Variants in STXBP6 observed in about 807,000 individuals in gnomAD.
The protein encoded by STXBP6 is syntaxin binding protein 6.
Under a neutral mutation model 26.9 loss-of-function variants are expected in STXBP6, and 21 were observed. The ratio of observed to expected loss-of-function variants is 0.78; its 90% CI spans 0.55 to 1.12. STXBP6 has a LOEUF of 1.12. STXBP6 is among the 50% of genes most tolerant of loss of function. The pLI, the probability that STXBP6 is intolerant of heterozygous loss-of-function variation, is 0.00. For missense variants in STXBP6, 232 were observed against 257.9 expected (o/e 0.90, Z 0.69); for synonymous variants, 97 against 92.6 (o/e 1.05, Z -0.27).
At chr14:24,970,993 A>C (rs1443860016) in intron 2 of STXBP6, among the ~76,000 whole-genome samples, 2 of 152,230 alleles carry the variant, frequency 1.3e-5, no homozygotes, top group Non-Finnish European at 2.9e-5. Context: ...GAAGTCAATC[A>C]ATCTGTGATT....
At chr14:24,924,318 A>G (rs911919848) in intron 2 of STXBP6, among the ~76,000 whole-genome samples, 10 of 152,196 alleles carry the variant, frequency 6.6e-5, no homozygotes, top group Non-Finnish European at 1.3e-4. Flanking sequence ...AATGGCCCAA[A>G]AAAGTTCTTA....
intron 1 of STXBP6, among the ~76,000 whole-genome samples, chr14:24,999,354 C>T (rs971559924): frequency 2.0e-4 from 30 of 152,126 alleles, no homozygotes; most frequent in Admixed American, 3.9e-4. Flanking sequence ...AGAGTGCTCA[C>T]CAGAAACCAT....
chr14:25,005,449 T>C (rs1322854491), intron 1 of STXBP6, among the ~76,000 whole-genome samples: 2 of 152,232 alleles, frequency 1.3e-5, no homozygotes, highest in African/African-American at 2.4e-5. Context: ...CTAAGTCTTC[T>C]GATGAGATTG....
intron 2 of STXBP6, among the ~76,000 whole-genome samples, chr14:24,915,216 T>C (rs77356505): frequency 5.9e-5 from 9 of 152,296 alleles, no homozygotes; most frequent in Non-Finnish European, 1.2e-4. Flanking sequence ...ACAAATGAGA[T>C]GGCTTTGTAA....
chr14:25,011,135 T>C (rs1176592026), intron 1 of STXBP6, among the ~76,000 whole-genome samples: 1 of 151,150 alleles, frequency 6.6e-6, no homozygotes, highest in Non-Finnish European at 1.5e-5. Flanking sequence ...TAGTTTAGTA[T>C]TAAAGATCTA....
chr14:24,861,673 T>C (rs1283006843), intron 2 of STXBP6, among the ~76,000 whole-genome samples: 1 of 149,666 alleles, frequency 6.7e-6, no homozygotes, highest in Admixed American at 6.6e-5. Flanking sequence ...TTACCTTAAA[T>C]GCTTTCAGAA....
intron 1 of STXBP6, among the ~76,000 whole-genome samples, chr14:24,982,910 C>T (rs2074235542): frequency 6.6e-6 from 1 of 152,176 alleles, no homozygotes. Context: ...ACACCACCAA[C>T]AAAAGCTACA....
chr14:24,969,912 C>T (rs1438987343), intron 2 of STXBP6, among the ~76,000 whole-genome samples: 8 of 152,134 alleles, frequency 5.3e-5, no homozygotes, highest in African/African-American at 1.9e-4. Flanking sequence ...TGAGGTTAAT[C>T]TTTCCCACTA....
chr14:25,036,855 CA>C (rs549439602), intron 1 of STXBP6, among the ~76,000 whole-genome samples: 794 of 62,292 alleles, frequency 0.013, 4 homozygotes, highest in African/African-American at 0.037. Context: ...GACTCCGTCT[CA>C]AAAAAAAAAA....
rs117176540 is a variant in STXBP6, at chr14:24,955,634, G to A, written c.154+19031C>T. On this transcript the variant is annotated intron_variant, in intron 2 of 5. Transcript: ENST00000323944. ...CTGAACATATGGCCCATGATGAGAT[G>A]AGTGGGTACCGTGGTAAGGAAGTGA... is the stretch of plus-strand genomic sequence containing the variant. Among the ~76,000 whole-genome samples the A allele has an allele frequency of 2.6e-3, 389 of 152,202 alleles. 1 individual carries two copies. Among genetic ancestry groups the A allele is most frequent in the Non-Finnish European group, 4.2e-3 (286 of 67,998 alleles).
rs768440174 is a variant in STXBP6 at position 24,982,126 on chromosome 14, G to A, written c.-32-7276C>T. Reference sequence around the variant, plus strand: ...CGTACTCCACTAAAATCTCAGTGGAGTGCTCCTTGAAAATTGCGGTTTTAA... The same window carrying A: ...CGTACTCCACTAAAATCTCAGTGGAATGCTCCTTGAAAATTGCGGTTTTAA... On this transcript the variant is annotated intron_variant, in intron 1 of 5. Transcript: ENST00000323944. 3.9e-5 allele frequency among the ~76,000 whole-genome samples: 6 copies of A among 152,214 alleles called. 1 individual carries two copies. Among genetic ancestry groups the A allele is most frequent in the Non-Finnish European group, 8.8e-5 (6 of 68,042 alleles).
At chr14:24,988,676 G>A (rs559890428) in intron 1 of STXBP6, among the ~76,000 whole-genome samples, 14 of 152,310 alleles carry the variant, frequency 9.2e-5, no homozygotes, top group Admixed American at 7.2e-4. Flanking sequence ...CCTGGGTTCT[G>A]TGCAATGGGT....
intron 5 of STXBP6, chr14:24,815,538 C>T (rs572978531): frequency 6.6e-6 from 1 of 151,172 alleles, no homozygotes; most frequent in Non-Finnish European, 1.5e-5. Flanking sequence ...AGACCCAGAC[C>T]TGAGCTCCTT....
At chr14:24,839,375 T>C (rs1366827175) in intron 4 of STXBP6, among the ~76,000 whole-genome samples, 2 of 152,080 alleles carry the variant, frequency 1.3e-5, no homozygotes, top group Non-Finnish European at 2.9e-5. Flanking sequence ...ACACATGCTG[T>C]TCATTTACCT....
At position 24,988,729 on chromosome 14, in the gene STXBP6, A is replaced by G. The variant is rs74497220; in HGVS notation, c.-32-13879T>C. On this transcript the variant is annotated intron_variant, in intron 1 of 5. Coordinates refer to ENST00000323944, the MANE Select transcript of STXBP6 (RefSeq NM_001394410.1). ...AGCCGACGGAGACAGACAGCCCCCA[A>G]TCCAAGGTGGAAAGCAGAGAATACT... 4.1e-3 allele frequency among the ~76,000 whole-genome samples: 624 copies of G among 152,264 alleles called. 14 individuals are homozygous for G. The East Asian group carries it at 0.042, about 10-fold the overall frequency.
At chr14:24,836,723 A>C (rs763718082) in intron 4 of STXBP6, among the ~76,000 whole-genome samples, 2 of 152,112 alleles carry the variant, frequency 1.3e-5, no homozygotes, top group African/African-American at 2.4e-5. Flanking sequence ...GTAGGATAGC[A>C]GGATGGATAA....
intron 1 of STXBP6, among the ~76,000 whole-genome samples, chr14:24,980,759 A>G (rs1266427241): frequency 2.0e-5 from 3 of 152,230 alleles, no homozygotes; most frequent in Non-Finnish European, 4.4e-5. Flanking sequence ...CTAACAACAT[A>G]CTTAAAGGAG....
intron 1 of STXBP6, among the ~76,000 whole-genome samples, chr14:25,005,170 GATTT>G (rs896605313): frequency 9.9e-5 from 15 of 152,092 alleles, no homozygotes; most frequent in Non-Finnish European, 2.1e-4. Context: ...TTTAAAAGGG[GATTT>G]ATTTGAGAAA....
At chr14:24,932,004 G>GGT (rs2072430010) in intron 2 of STXBP6, among the ~76,000 whole-genome samples, 1 of 152,150 alleles carries the variant, frequency 6.6e-6, no homozygotes. Flanking sequence ...GGCGATAAAG[G>GGT]GTAAGAGAGA....
Sources: allele counts gnomAD v4.1 joint callset (sites outside exome capture counted in the v4.1 genomes callset), GRCh38; gene constraint gnomAD v4.1.1; transcripts MANE v1.5; gene names NCBI Gene and HGNC (gene_info 2026-07-23, HGNC 2026-07-21).